Variants in LIPA observed in about 807,000 individuals in gnomAD.
LIPA encodes lipase A, lysosomal acid type.
A neutral mutation model predicts 40.6 loss-of-function variants in LIPA; 26 were observed. That is an observed-to-expected ratio of 0.64 (90% CI 0.47 to 0.89). The LOEUF (loss-of-function observed/expected upper bound fraction) is 0.89. Among genes scored for constraint, LIPA ranks in the 40% least tolerant of loss-of-function variants. LIPA has a pLI of 0.00. For missense variants in LIPA, 455 were observed against 479.6 expected, an observed-to-expected ratio of 0.95 and a Z score of 0.48; for synonymous variants, 188 against 168.4, an observed-to-expected ratio of 1.12 and a Z score of -0.90.
intron 2 of LIPA, among the ~76,000 whole-genome samples, chr10:89,377,210 A>G (rs1844128026): frequency 6.6e-6 from 1 of 152,174 alleles, no homozygotes; most frequent in Non-Finnish European, 1.5e-5. Context: ...TGTTTGATTG[A>G]CTCTCTGATG....
chr10:89,222,689 C>T, intron 7 of LIPA, 107 bp from the exon 8 acceptor site: 1 of 784,790 alleles, frequency 1.3e-6, no homozygotes, highest in South Asian at 1.4e-5. Context: ...GAGCCATAAT[C>T]TCAAGTATGT....
At chr10:89,339,804 A>G (rs1466920727) in intron 1 of LIPA, 4 of 1,614,088 alleles carry the variant, frequency 2.5e-6, no homozygotes, top group Non-Finnish European at 3.4e-6. Context: ...AACATGGTTT[A>G]GAGGGTTTGT....
chr10:89,303,315 G>T (rs969773039), intron 1 of LIPA, among the ~76,000 whole-genome samples: 2 of 152,224 alleles, frequency 1.3e-5, no homozygotes, highest in Non-Finnish European at 2.9e-5. Flanking sequence ...CATTAAGTGG[G>T]TCTGGGTTAG....
intron 1 of LIPA, among the ~76,000 whole-genome samples, chr10:89,290,887 A>C (rs937835934): frequency 2.0e-5 from 3 of 152,242 alleles, no homozygotes; most frequent in African/African-American, 7.2e-5. Flanking sequence ...CTTCACGTGG[A>C]AAAGAGTGAA....
chr10:89,353,940 CA>C (rs796348512), intron 2 of LIPA, among the ~76,000 whole-genome samples: 115 of 140,488 alleles, frequency 8.2e-4, no homozygotes, highest in East Asian at 1.2e-3. Flanking sequence ...GACTCCGTCT[CA>C]AAAAAAAAAA....
chr10:89,409,326 GACAA>G (rs1363892689), intron 2 of LIPA, among the ~76,000 whole-genome samples: 2 of 152,278 alleles, frequency 1.3e-5, no homozygotes, highest in African/African-American at 4.8e-5. Flanking sequence ...GTGGCCCTCA[GACAA>G]ACAAACCTTG....
intron 2 of LIPA, among the ~76,000 whole-genome samples, chr10:89,386,972 TGA>T (rs59096550): frequency 0.27 from 26,619 of 99,100 alleles, 2,834 homozygotes; most frequent in East Asian, 0.59. Context: ...TGTGTGTGTG[TGA>T]GAGAGAGAGA....
chr10:89,381,775 CCTTTATTTT>C (rs1250275579), intron 2 of LIPA, among the ~76,000 whole-genome samples: 7 of 151,918 alleles, frequency 4.6e-5, no homozygotes, highest in African/African-American at 1.7e-4. Flanking sequence ...TCTTTCCTTT[CCTTTATTTT>C]CTTTATTATT....
intron 2 of LIPA, among the ~76,000 whole-genome samples, chr10:89,389,975 C>CTTTTTT (rs56947144): frequency 1.7e-4 from 14 of 80,322 alleles, no homozygotes; most frequent in East Asian, 4.5e-4. Flanking sequence ...AGATTTCTTT[C>CTTTTTT]TTTTTTTTTT....
intron 8 of LIPA, among the ~76,000 whole-genome samples, chr10:89,219,859 G>A (rs1211130268): frequency 6.6e-6 from 1 of 152,272 alleles, no homozygotes; most frequent in Non-Finnish European, 1.5e-5. Context: ...CAAAGGCCCA[G>A]GCTGCCTTGT....
chr10:89,414,668 G>A (rs1045792994), upstream of LIPA: 3 of 1,061,002 alleles, frequency 2.8e-6, no homozygotes, highest in Non-Finnish European at 3.9e-6. Flanking sequence ...GCCGAGTCCA[G>A]GGGCTGCAGA....
At chr10:89,278,931 G>GCA (rs890313931) in intron 1 of LIPA, among the ~76,000 whole-genome samples, 2 of 151,552 alleles carry the variant, frequency 1.3e-5, no homozygotes, top group African/African-American at 4.8e-5. Flanking sequence ...TCTTTCATAT[G>GCA]CACACACACA....
chr10:89,255,815 C>G (rs1843177948), upstream of LIPA, among the ~76,000 whole-genome samples: 1 of 152,188 alleles, frequency 6.6e-6, no homozygotes. Flanking sequence ...TGTGTCAACT[C>G]AGGCCATGTC....
At chr10:89,380,283 C>T (rs1045854319) in intron 2 of LIPA, among the ~76,000 whole-genome samples, 1 of 152,096 alleles carries the variant, frequency 6.6e-6, no homozygotes, top group Admixed American at 6.5e-5. Context: ...GCAGATTGAG[C>T]TCCTCCTTCC....
intron 8 of LIPA, 100 bp from the exon 9 acceptor site, chr10:89,216,109 T>A (rs1211089913): frequency 1.3e-6 from 1 of 796,260 alleles, no homozygotes; most frequent in Non-Finnish European, 2.3e-6. Flanking sequence ...ATCAACTTTA[T>A]ACCAATATCC....
intron 3 of LIPA, among the ~76,000 whole-genome samples, chr10:89,228,606 A>AT (rs1401088822): frequency 6.6e-6 from 1 of 152,240 alleles, no homozygotes; most frequent in East Asian, 1.9e-4. Context: ...AAACTGGACC[A>AT]TTTTTTGCAT....
At chr10:89,281,337 T>A (rs1004208638) in intron 1 of LIPA, among the ~76,000 whole-genome samples, 3 of 152,220 alleles carry the variant, frequency 2.0e-5, no homozygotes, top group African/African-American at 7.2e-5. Context: ...TTTTAGTAAT[T>A]TTCCATCCAC....
At chr10:89,371,436 C>A (rs1319270670) in intron 2 of LIPA, among the ~76,000 whole-genome samples, 1 of 152,204 alleles carries the variant, frequency 6.6e-6, no homozygotes, top group Non-Finnish European at 1.5e-5. Context: ...CTTCTATGAG[C>A]CTCACAAAGT....
At chr10:89,224,972 T>C (rs372138378) in intron 6 of LIPA, 120 bp downstream of exon 6, 1 of 1,288,062 alleles carries the variant, frequency 7.8e-7, no homozygotes, top group Non-Finnish European at 1.1e-6. Flanking sequence ...AAAAGCCCAC[T>C]GCTCCACTGA....
Sources: allele counts gnomAD v4.1 joint callset (sites outside exome capture counted in the v4.1 genomes callset), GRCh38; gene constraint gnomAD v4.1.1; transcripts MANE v1.5; gene names NCBI Gene and HGNC (gene_info 2026-07-23, HGNC 2026-07-21).